MAN2A1: variants seen among roughly 807,000 people sequenced by gnomAD.
The protein encoded by MAN2A1 is mannosidase alpha class 2A member 1, also known as alpha-mannosidase 2.
MAN2A1 carries 76 observed loss-of-function variants against 142.6 expected under a neutral mutation model. The ratio of observed to expected loss-of-function variants is 0.53; its 90% CI spans 0.44 to 0.65. MAN2A1 has a LOEUF of 0.65. Ranked by LOEUF, MAN2A1 falls within the 30% of genes least tolerant of loss-of-function variation. The probability of loss-of-function intolerance (pLI) is 0.00; values close to 1 mark genes in which losing one functional copy is unlikely to be tolerated. For synonymous variants in MAN2A1, 559 were observed against 473.2 expected (o/e 1.18, Z -2.35); for missense variants, 1,311 against 1,365.1 (o/e 0.96, Z 0.62).
intron 16 of MAN2A1, among the ~76,000 whole-genome samples, chr5:109,829,445 A>C (rs1228328511): frequency 6.6e-6 from 1 of 152,182 alleles, no homozygotes; most frequent in Non-Finnish European, 1.5e-5. Flanking sequence ...ACAAGCAGAT[A>C]TTACTGTTCT....
At chr5:109,820,691 G>T (rs1043028141) in intron 15 of MAN2A1, among the ~76,000 whole-genome samples, 8 of 152,114 alleles carry the variant, frequency 5.3e-5, no homozygotes, top group Admixed American at 5.2e-4. Context: ...TACAGTCCCA[G>T]TTACTCAGGA....
chr5:109,821,659 G>T (rs1258236090), intron 15 of MAN2A1, among the ~76,000 whole-genome samples: 1 of 151,992 alleles, frequency 6.6e-6, no homozygotes, highest in African/African-American at 2.4e-5. Flanking sequence ...GATTTTTGTG[G>T]TTACTAGTAA....
At chr5:109,841,757 C>A (rs1411081719) in intron 16 of MAN2A1, among the ~76,000 whole-genome samples, 1 of 152,224 alleles carries the variant, frequency 6.6e-6, no homozygotes, top group East Asian at 1.9e-4. Context: ...GATTTAACTT[C>A]TGGAGAGCTT....
intron 7 of MAN2A1, among the ~76,000 whole-genome samples, chr5:109,773,630 C>T (rs1213601599): frequency 3.9e-5 from 6 of 151,914 alleles, no homozygotes; most frequent in Middle Eastern, 3.2e-3. Context: ...TACATAAGGA[C>T]GCTGTGGTTA....
intron 16 of MAN2A1, among the ~76,000 whole-genome samples, chr5:109,824,314 A>G (rs1442991572): frequency 1.3e-5 from 2 of 152,208 alleles, no homozygotes; most frequent in Admixed American, 1.3e-4. Flanking sequence ...AAACCTAGCA[A>G]TTGTTTATCA....
In MAN2A1 at chr5:109,842,320, A is replaced by T. The variant is rs1328142233; in HGVS notation, c.2567-8A>T. 2.3e-5 allele frequency: 35 copies of T among 1,504,432 alleles called. No homozygotes were observed. Among genetic ancestry groups the T allele is most frequent in the East Asian group, 1.2e-4 (5 of 41,108 alleles). 93.2% of individuals were successfully genotyped at this position (1,504,432 alleles called of 1,614,324 possible). A position where few individuals can be genotyped will look rare whatever the true frequency, so the allele number is the denominator to read the frequency against. On this transcript the variant is annotated splice_region_variant and splice_polypyrimidine_tract_variant and intron_variant, in intron 16 of 21. Transcript: ENST00000261483. Reference sequence around the variant, plus strand: ...TCTATTAATCCATATATATTTTTTTAAATTTAGGAATAGAAGGACAGTCTG... The same window carrying T: ...TCTATTAATCCATATATATTTTTTTTAATTTAGGAATAGAAGGACAGTCTG...
At chr5:109,777,674 A>G (rs1467530551) in intron 8 of MAN2A1, among the ~76,000 whole-genome samples, 3 of 152,054 alleles carry the variant, frequency 2.0e-5, no homozygotes, top group African/African-American at 7.2e-5. Context: ...GCTATCCTCT[A>G]GAAGCTTAAT....
At position 109,867,660 on chromosome 5, in the gene MAN2A1, CT is replaced by C. The variant is rs2112454336; in HGVS notation, c.*664del. 6.6e-6 allele frequency: 1 copy of C among 152,594 alleles called. No homozygotes were observed. Among genetic ancestry groups the C allele is most frequent in the Admixed American group, 6.5e-5 (1 of 15,280 alleles). 9.5% of individuals were successfully genotyped at this position (152,594 alleles called of 1,614,324 possible). A position where few individuals can be genotyped will look rare whatever the true frequency, so the allele number is the denominator to read the frequency against. ...TAGAAAAAGAGGCATATTTTCATTA[CT>C]TGACAATGTGGGATGGGTGCAATTT... On this transcript the variant is annotated 3_prime_UTR_variant, in exon 22 of 22. Transcript: ENST00000261483.
intron 3 of MAN2A1, among the ~76,000 whole-genome samples, chr5:109,717,668 G>C (rs1322230337): frequency 6.6e-6 from 1 of 152,146 alleles, no homozygotes; most frequent in Admixed American, 6.6e-5. Flanking sequence ...CATCATGGAA[G>C]GACTTCAGGG....
intron 1 of MAN2A1, among the ~76,000 whole-genome samples, chr5:109,708,039 A>C (rs1000130733): frequency 1.4e-5 from 2 of 144,530 alleles, no homozygotes; most frequent in African/African-American, 4.9e-5. Context: ...GGATGAGATC[A>C]TGTAAGAGAG....
chr5:109,700,950 G>A (rs539429263), intron 1 of MAN2A1, among the ~76,000 whole-genome samples: 8 of 152,290 alleles, frequency 5.3e-5, no homozygotes, highest in South Asian at 4.1e-4. Context: ...CAAAACTGCC[G>A]TTTGTGAAAC....
At position 109,729,423 on chromosome 5, in the gene MAN2A1, A is replaced by G. The variant is rs1462890228; in HGVS notation, c.617A>G (p.Asp206Gly). Residue 206 changes from aspartate to glycine, a missense_variant, in exon 4 of 22, where the codon GAC (aspartate) becomes GGC (glycine). By Grantham distance (94) the Asp-to-Gly change is moderately conservative. Transcript: ENST00000261483. ...AACATGGTCCTAAAGCTGAAAGAAG[A>G]CTCACGGAGGAAGTTTATTTGGTCT... The part of the protein sequence containing the change: ...FNNMVLKLKE[D>G]SRRKFIWSEI... 1 of 1,602,934 alleles carries G rather than the reference A, an allele frequency of 6.2e-7. No homozygotes were observed. The highest frequency in any genetic ancestry group is 8.5e-7 in the Non-Finnish European group (1 of 1,172,682).
chr5:109,713,437 C>A, intron 1 of MAN2A1, 83 bp from the exon 2 acceptor site: 1 of 1,262,598 alleles, frequency 7.9e-7, no homozygotes, highest in Non-Finnish European at 1.1e-6. Context: ...TAGGCAACCA[C>A]ATAATTTAAA....
At chr5:109,842,492 G>A (rs1442762539) in intron 17 of MAN2A1, 31 bp downstream of exon 17, 3 of 1,423,464 alleles carry the variant, frequency 2.1e-6, no homozygotes, top group Admixed American at 2.1e-5. Flanking sequence ...TTTAAGTAAT[G>A]GTTGTATTGG....
chr5:109,862,080 C>G (rs927121913), intron 20 of MAN2A1, among the ~76,000 whole-genome samples: 2 of 152,296 alleles, frequency 1.3e-5, no homozygotes, highest in Admixed American at 1.3e-4. Context: ...AGCAAGTGCT[C>G]AACAGGTATT....
chr5:109,835,053 G>T (rs1465162678), intron 16 of MAN2A1, among the ~76,000 whole-genome samples: 1 of 151,864 alleles, frequency 6.6e-6, no homozygotes, highest in Non-Finnish European at 1.5e-5. Flanking sequence ...TGTCATTGTT[G>T]TGAGAATTTC....
chr5:109,800,935 T>C (rs532195240), intron 12 of MAN2A1, among the ~76,000 whole-genome samples: 1 of 152,330 alleles, frequency 6.6e-6, no homozygotes, highest in African/African-American at 2.4e-5. Flanking sequence ...TGAACCCTTA[T>C]GGGAAAAGTT....
At chr5:109,840,618 G>A (rs575798058) in intron 16 of MAN2A1, 2 of 479,986 alleles carry the variant, frequency 4.2e-6, no homozygotes, top group South Asian at 1.5e-5. Flanking sequence ...TGAGATGAAG[G>A]AGTCTCAGAT....
At chr5:109,779,565 G>GCACACACA (rs757828449) in intron 8 of MAN2A1, among the ~76,000 whole-genome samples, 14 of 73,228 alleles carry the variant, frequency 1.9e-4, no homozygotes, top group African/African-American at 8.2e-4. Flanking sequence ...ACACACGCGT[G>GCACACACA]CACACACACA....
Sources: allele counts gnomAD v4.1 joint callset (sites outside exome capture counted in the v4.1 genomes callset), GRCh38; gene constraint gnomAD v4.1.1; transcripts MANE v1.5; gene names NCBI Gene and HGNC (gene_info 2026-07-23, HGNC 2026-07-21).